Variants in CYB5B observed in about 807,000 individuals in gnomAD.
CYB5B encodes the protein cytochrome b5 type B.
Under a neutral mutation model 21.3 loss-of-function variants are expected in CYB5B, and 14 were observed. The observed-to-expected ratio is 0.66, with a 90% CI of 0.43 to 1.03. The LOEUF is 1.03. Ranked by LOEUF, CYB5B falls within the 50% of genes least tolerant of loss-of-function variation. The pLI, the probability that CYB5B is intolerant of heterozygous loss-of-function variation, is 0.00. For missense variants in CYB5B, 166 were observed against 185.1 expected (o/e 0.90, Z 0.60); for synonymous variants, 69 against 68.4 (o/e 1.01, Z -0.04).
chr16:69,447,801 G>T (rs1024330126), intron 2 of CYB5B, among the ~76,000 whole-genome samples: 1 of 152,100 alleles, frequency 6.6e-6, no homozygotes, highest in Non-Finnish European at 1.5e-5. Flanking sequence ...ACTGATTCTG[G>T]ATTATTTTTA....
chr16:69,458,161 CCATA>C (rs1377210952), intron 3 of CYB5B, among the ~76,000 whole-genome samples: 1 of 152,086 alleles, frequency 6.6e-6, no homozygotes, highest in African/African-American at 2.4e-5. Flanking sequence ...AATTCACATA[CCATA>C]CAGTTTACCT....
In CYB5B at chr16:69,462,430, T is replaced by C; in HGVS notation, c.363T>C (p.Ser121=). ...TATTGCTTTCTCCCCCTATTCCTAG[T>C]TGCTGGGCATATTGGATTTTACCCA... ...KDPSKNDTCK[S]CWAYWILPII... is the part of the protein sequence containing the mutation. The change falls in exon 5 of 5, where the codon AGT becomes AGC. Residue 121 remains serine, a splice_region_variant and synonymous_variant. Transcript: ENST00000307892. 6.2e-7 allele frequency: 1 copy of C among 1,612,232 alleles called. No homozygotes were observed. Among genetic ancestry groups the C allele is most frequent in the East Asian group, 2.2e-5 (1 of 44,870 alleles).
chr16:69,437,435 A>G (rs1278731830), intron 1 of CYB5B, among the ~76,000 whole-genome samples: 2 of 152,164 alleles, frequency 1.3e-5, no homozygotes, highest in African/African-American at 4.8e-5. Context: ...GTAGGGAGGA[A>G]TTTTTGAGTG....
At position 69,463,108 on chromosome 16, in the gene CYB5B, T is replaced by C. The variant is rs960871179; in HGVS notation, c.*588T>C. ...AAAAAAAAATCTGATTTAATTCTTTTATTTATCATAAGGGGTTTAATTCCT... is the reference window on the plus strand; with the variant it reads ...AAAAAAAAATCTGATTTAATTCTTTCATTTATCATAAGGGGTTTAATTCCT... On this transcript the variant is annotated 3_prime_UTR_variant, in exon 5 of 5. Transcript: ENST00000307892. The C allele has an allele frequency of 5.2e-5, 8 of 152,382 alleles. No homozygotes were observed. Among genetic ancestry groups the C allele is most frequent in the African/African-American group, 1.9e-4 (8 of 41,450 alleles). The allele number at this position is 152,382 out of a possible 1,614,324, so 9.4% of individuals were successfully genotyped here. A position where few individuals can be genotyped will look rare whatever the true frequency, so the allele number is the denominator to read the frequency against.
chr16:69,434,687 A>G (rs942872286), intron 1 of CYB5B, among the ~76,000 whole-genome samples: 1 of 152,082 alleles, frequency 6.6e-6, no homozygotes, highest in African/African-American at 2.4e-5. Flanking sequence ...AACATAGTGA[A>G]ACCCCATCTC....
intron 1 of CYB5B, among the ~76,000 whole-genome samples, chr16:69,436,589 A>G (rs988738771): frequency 2.0e-5 from 3 of 152,080 alleles, no homozygotes; most frequent in African/African-American, 7.2e-5. Context: ...GTTTTTTAGG[A>G]AGTAGTTTTT....
At chr16:69,447,304 C>T (rs2014887657) in intron 2 of CYB5B, 26 bp downstream of exon 2, 1 of 1,607,912 alleles carries the variant, frequency 6.2e-7, no homozygotes, top group Non-Finnish European at 8.5e-7. Context: ...GATGGGAGCC[C>T]TTATGCAGAG....
chr16:69,460,619 G>A (rs1288094757), intron 4 of CYB5B, among the ~76,000 whole-genome samples: 1 of 152,130 alleles, frequency 6.6e-6, no homozygotes, highest in South Asian at 2.1e-4. Context: ...GCATTATCTA[G>A]TAAATTTGAT....
At chr16:69,437,178 A>G (rs572594089) in intron 1 of CYB5B, among the ~76,000 whole-genome samples, 20 of 152,334 alleles carry the variant, frequency 1.3e-4, no homozygotes, top group Non-Finnish European at 2.4e-4. Context: ...TCATTGTTTC[A>G]TCTTTTTTGG....
intron 4 of CYB5B, among the ~76,000 whole-genome samples, chr16:69,461,295 T>C (rs2015034005): frequency 6.6e-6 from 1 of 152,320 alleles, no homozygotes. Context: ...TTGCGGTTAC[T>C]CTTCAAGGAG....
chr16:69,453,565 T>G (rs1220884131), intron 3 of CYB5B, among the ~76,000 whole-genome samples: 1 of 152,098 alleles, frequency 6.6e-6, no homozygotes, highest in African/African-American at 2.4e-5. Flanking sequence ...TTTGTTTTGT[T>G]TTTGGGCGGG....
chr16:69,449,310 GC>G (rs2014909620), intron 3 of CYB5B: 1 of 152,050 alleles, frequency 6.6e-6, no homozygotes, highest in Non-Finnish European at 1.5e-5. Flanking sequence ...GAGGTAACCA[GC>G]CATCATTTTT....
At chr16:69,452,727 G>A (rs1283091131) in intron 3 of CYB5B, among the ~76,000 whole-genome samples, 1 of 151,732 alleles carries the variant, frequency 6.6e-6, no homozygotes, top group Non-Finnish European at 1.5e-5. Context: ...ACATCTTTTG[G>A]GCTGGGGGCG....
At chr16:69,430,874 T>C (rs187778722) in intron 1 of CYB5B, among the ~76,000 whole-genome samples, 1 of 151,970 alleles carries the variant, frequency 6.6e-6, no homozygotes, top group Admixed American at 6.6e-5. Flanking sequence ...GGTTTTGCCA[T>C]GTTGGCCAGG....
At chr16:69,457,871 C>T (rs1352501032) in intron 3 of CYB5B, among the ~76,000 whole-genome samples, 1 of 152,260 alleles carries the variant, frequency 6.6e-6, no homozygotes, top group African/African-American at 2.4e-5. Flanking sequence ...ATGGACTGCT[C>T]TAAAGTATAT....
intron 4 of CYB5B, among the ~76,000 whole-genome samples, chr16:69,459,969 G>A (rs1181903271): frequency 6.6e-6 from 1 of 152,056 alleles, no homozygotes; most frequent in African/African-American, 2.4e-5. Context: ...GCTTATGCAG[G>A]GCCGGGCGCG....
intron 1 of CYB5B, among the ~76,000 whole-genome samples, chr16:69,439,713 C>T (rs2014800085): frequency 6.6e-6 from 1 of 151,160 alleles, no homozygotes; most frequent in Non-Finnish European, 1.5e-5. Context: ...ATTATAGGAG[C>T]GGGCCACCAC....
rs201699149 is a variant in CYB5B at position 69,452,640 on chromosome 16, A to G, written c.333+4496A>G. Among the ~76,000 whole-genome samples, 14 of 152,236 alleles carry G rather than the reference A, an allele frequency of 9.2e-5. No individual in the cohort carries two copies. The East Asian group carries it at 2.5e-3, about 27-fold the overall frequency. On this transcript the variant is annotated intron_variant, in intron 3 of 4. Transcript: ENST00000307892. ...AGCCAAGATTGTGCCAGTGCACTCT[A>G]GTCTGGGTGACAGAACGAGACCCTG...
At chr16:69,461,258 G>T (rs2015033560) in intron 4 of CYB5B, among the ~76,000 whole-genome samples, 2 of 151,912 alleles carry the variant, frequency 1.3e-5, no homozygotes, top group Non-Finnish European at 2.9e-5. Context: ...TTTTCTCAAG[G>T]ATCCTACTTT....
Sources: gnomAD v4.1 joint callset for allele counts (sites outside exome capture counted in the v4.1 genomes callset) on GRCh38, gnomAD v4.1.1 for gene constraint, MANE v1.5 for transcripts, NCBI Gene and HGNC (gene_info 2026-07-23, HGNC 2026-07-21) for gene names.